Variants in ELAVL3 observed in about 807,000 individuals in gnomAD.
The protein encoded by ELAVL3 is ELAV like RNA binding protein 3.
In ELAVL3, 8 loss-of-function variants were observed where a neutral mutation model predicts 34.2. That is an observed-to-expected ratio of 0.23 (90% CI 0.14 to 0.42). ELAVL3 has a LOEUF of 0.42. Among genes scored for constraint, ELAVL3 ranks in the 10% least tolerant of loss-of-function variants. ELAVL3 has a pLI of 1.00. For synonymous variants in ELAVL3, 209 were observed against 222.1 expected, an observed-to-expected ratio of 0.94 and a Z score of 0.53; for missense variants, 273 against 518.8, an observed-to-expected ratio of 0.53 and a Z score of 4.60.
intron 6 of ELAVL3, among the ~76,000 whole-genome samples, chr19:11,456,570 G>T (rs1438875822): frequency 6.7e-6 from 1 of 150,188 alleles, no homozygotes; most frequent in East Asian, 2.0e-4. Flanking sequence ...CACGATTTCA[G>T]CTCACTGCAA....
chr19:11,476,575 G>C (rs1487737072), intron 1 of ELAVL3, among the ~76,000 whole-genome samples: 1 of 151,754 alleles, frequency 6.6e-6, no homozygotes, highest in Non-Finnish European at 1.5e-5. Context: ...GAAGGAATAG[G>C]AACAGAGTTG....
At position 11,480,668 on chromosome 19, in the gene ELAVL3, TA is replaced by T. The variant is rs1234256813; in HGVS notation, c.-61del. On this transcript the variant is annotated 5_prime_UTR_variant, in exon 1 of 7. Coordinates refer to ENST00000359227, the MANE Select transcript of ELAVL3 (RefSeq NM_001420.4). The surrounding 1 kb of genome is among the most constrained non-coding windows in gnomAD (Gnocchi z 6.8). ...GGGGGCTCCGGGGGTGGTGCACTCC[TA>T]GGGGGGCGCCCGATGCTCACGCTGG... The T allele has an allele frequency of 7.4e-7, 1 of 1,355,532 alleles. No individual in the cohort carries two copies. 84.0% of individuals were successfully genotyped at this position (1,355,532 alleles called of 1,614,324 possible).
intron 3 of ELAVL3, among the ~76,000 whole-genome samples, chr19:11,461,974 G>C (rs975101307): frequency 2.6e-5 from 4 of 152,018 alleles, no homozygotes; most frequent in African/African-American, 9.7e-5. Context: ...AGGAGATCAA[G>C]ACCATCCTAG....
intron 1 of ELAVL3, among the ~76,000 whole-genome samples, chr19:11,479,489 C>T (rs1006011170): frequency 1.3e-5 from 2 of 152,200 alleles, no homozygotes; most frequent in Admixed American, 1.3e-4. Context: ...GGCGCCGGGA[C>T]CAGACAAAGG....
chr19:11,470,822 C>T (rs918411522), intron 1 of ELAVL3, among the ~76,000 whole-genome samples: 3 of 152,128 alleles, frequency 2.0e-5, no homozygotes, highest in Non-Finnish European at 2.9e-5. Flanking sequence ...TGAAGACCCT[C>T]GGAATGTGAA....
intron 3 of ELAVL3, among the ~76,000 whole-genome samples, chr19:11,461,009 CAAAA>C (rs535847241): frequency 0.14 from 12,886 of 89,624 alleles, 894 homozygotes; most frequent in African/African-American, 0.23. Flanking sequence ...ACAACCTCTA[CAAAA>C]AAAAAAAAAA....
chr19:11,457,070 ATGG>A (rs1970782646), intron 6 of ELAVL3, 37 bp downstream of exon 6: 1 of 1,021,852 alleles, frequency 9.8e-7, no homozygotes, highest in Non-Finnish European at 1.3e-6. Flanking sequence ...AGGGGCATGG[ATGG>A]TGAGGGGTGG....
chr19:11,464,745 TACAC>T (rs1970984183), intron 3 of ELAVL3, among the ~76,000 whole-genome samples: 1 of 55,610 alleles, frequency 1.8e-5, no homozygotes, highest in African/African-American at 8.9e-5. Flanking sequence ...ACCACACACA[TACAC>T]CACACACACA....
chr19:11,465,335 C>CACACACACATGCGT (rs1491119662), intron 3 of ELAVL3, among the ~76,000 whole-genome samples: 1 of 148,926 alleles, frequency 6.7e-6, no homozygotes, highest in African/African-American at 2.5e-5. Context: ...GCACACACAC[C>CACACACACATGCGT]ACACACACAT....
chr19:11,462,961 C>CAAAAAAA (rs1169791063), intron 3 of ELAVL3, among the ~76,000 whole-genome samples: 1 of 73,062 alleles, frequency 1.4e-5, no homozygotes, highest in Non-Finnish European at 3.3e-5. Flanking sequence ...GACTCCGTCT[C>CAAAAAAA]AAAAAAAAAA....
At chr19:11,464,156 T>TAC in intron 3 of ELAVL3, among the ~76,000 whole-genome samples, 1 of 112,816 alleles carries the variant, frequency 8.9e-6, no homozygotes, top group Admixed American at 8.8e-5. Context: ...TCTCTCTATA[T>TAC]ATATATATAT....
chr19:11,463,304 CCTGA>C (rs1970930495), intron 3 of ELAVL3, among the ~76,000 whole-genome samples: 1 of 152,196 alleles, frequency 6.6e-6, no homozygotes, highest in African/African-American at 2.4e-5. Context: ...AGCGCCCAGT[CCTGA>C]CTGACCGCGC....
At chr19:11,473,498 T>G (rs1971206842) in intron 1 of ELAVL3, among the ~76,000 whole-genome samples, 1 of 152,238 alleles carries the variant, frequency 6.6e-6, no homozygotes, top group Non-Finnish European at 1.5e-5. Context: ...GTACATATTA[T>G]CTCAACCATC....
chr19:11,472,844 T>A (rs1481273151), intron 1 of ELAVL3, among the ~76,000 whole-genome samples: 1 of 150,164 alleles, frequency 6.7e-6, no homozygotes, highest in Non-Finnish European at 1.5e-5. Context: ...GGGGGGTGGA[T>A]CGCCAGAGGT....
At position 11,454,950 on chromosome 19, in the gene ELAVL3, T is replaced by A; in HGVS notation, c.753-73A>T. 1 of 1,468,756 alleles carries A rather than the reference T, an allele frequency of 6.8e-7. No homozygotes were observed. Among genetic ancestry groups the A allele is most frequent in the South Asian group, 1.3e-5 (1 of 77,400 alleles). The allele number at this position is 1,468,756 out of a possible 1,614,324, so 91.0% of individuals were successfully genotyped here. ...TGACCCCGTTGTGACCCTTCACACC[T>A]TTATGACCCCTGACTGTGCCATGAC... is the stretch of plus-strand genomic sequence containing the variant. On this transcript the variant is annotated intron_variant, in intron 6 of 6. Coordinates refer to ENST00000359227, the MANE Select transcript of ELAVL3 (RefSeq NM_001420.4). This position sits in a 1 kb window ranked among gnomAD's most constrained non-coding sequence, Gnocchi z 9.2.
Position 11,451,542 on chromosome 19 carries a change from ACT to A in ELAVL3, c.*2982_*2983del, listed in dbSNP as rs908393059. The A allele has an allele frequency of 8.6e-6, 1 of 116,278 alleles. No homozygotes were observed. Among genetic ancestry groups the A allele is most frequent in the African/African-American group, 3.4e-5 (1 of 29,102 alleles). 7.2% of individuals were successfully genotyped at this position (116,278 alleles called of 1,614,324 possible). On this transcript the variant is annotated 3_prime_UTR_variant, in exon 7 of 7. Transcript: ENST00000359227. ...CAGTTTTTTATCACCTCCAACATGG[ACT>A]CTGTCGTGATTTGAAACCTTCCGAA...
intron 1 of ELAVL3, among the ~76,000 whole-genome samples, chr19:11,476,077 C>G (rs918404498): frequency 6.6e-6 from 1 of 152,236 alleles, no homozygotes; most frequent in African/African-American, 2.4e-5. Flanking sequence ...AAGGCACCCG[C>G]AGTGATGCAG....
intron 1 of ELAVL3, among the ~76,000 whole-genome samples, chr19:11,479,374 C>G (rs1434426637): frequency 6.6e-6 from 1 of 152,116 alleles, no homozygotes; most frequent in African/African-American, 2.4e-5. Context: ...TGCCCCCACC[C>G]CCAGTGCTAG....
chr19:11,460,868 T>C (rs1970868254), intron 3 of ELAVL3, among the ~76,000 whole-genome samples: 1 of 151,954 alleles, frequency 6.6e-6, no homozygotes, highest in South Asian at 2.1e-4. Flanking sequence ...AAAAAAATGG[T>C]GGGTCAGGTG....
Sources: gnomAD v4.1 joint callset for allele counts (sites outside exome capture counted in the v4.1 genomes callset) on GRCh38, gnomAD v4.1.1 for gene constraint, Gnocchi (gnomAD v3.1) non-coding constraint, MANE v1.5 for transcripts, NCBI Gene and HGNC (gene_info 2026-07-23, HGNC 2026-07-21) for gene names.